URB1: variants seen among roughly 807,000 people sequenced by gnomAD.
URB1 encodes nucleolar pre-ribosomal-associated protein 1.
In URB1, 197 loss-of-function variants were observed where a neutral mutation model predicts 242.3. The ratio of observed to expected loss-of-function variants is 0.81; its 90% CI spans 0.72 to 0.91. URB1 has a LOEUF of 0.91. URB1 is among the 40% of genes least tolerant of loss of function. The pLI, the probability that URB1 is intolerant of heterozygous loss-of-function variation, is 0.00. For synonymous variants in URB1, 1,153 were observed against 1,201.8 expected (o/e 0.96, Z 0.84); for missense variants, 2,721 against 2,860.5 (o/e 0.95, Z 1.11).
intron 30 of URB1, among the ~76,000 whole-genome samples, chr21:32,327,986 G>A (rs189298381): frequency 2.6e-5 from 4 of 152,246 alleles, no homozygotes; most frequent in Admixed American, 6.5e-5. Context: ...AGGCAGAGAT[G>A]GTCAGATTAG....
At chr21:32,341,694 G>C (rs2033031993) in intron 24 of URB1, among the ~76,000 whole-genome samples, 170 bp from the exon 25 acceptor site, 1 of 152,172 alleles carries the variant, frequency 6.6e-6, no homozygotes, top group East Asian at 1.9e-4. Context: ...GTCCCCTTCT[G>C]CTCTGACACT....
intron 11 of URB1, 48 bp from the exon 12 acceptor site, chr21:32,362,069 G>A: frequency 6.5e-7 from 1 of 1,543,438 alleles, no homozygotes; most frequent in Non-Finnish European, 8.7e-7. Context: ...AACCACAAAG[G>A]GAGACAAATG....
In URB1 at chr21:32,354,009, C is replaced by A. The variant is rs372511273; in HGVS notation, c.2340G>T (p.Thr780=). The stretch of plus-strand genomic sequence containing the variant: ...CAGGGACTACCGCACTGAATGGGAA[C>A]GTGAGCAGGATCATGTCTTCACTCA... ...FTLSEDMILL[T]FPFSAVVPAA... The change falls in exon 18 of 39, where the codon ACG becomes ACT. Residue 780 remains threonine (T), a synonymous_variant. Coordinates refer to ENST00000382751, the MANE Select transcript of URB1 (RefSeq NM_014825.3). 10 of 1,551,660 alleles carry A rather than the reference C, an allele frequency of 6.4e-6. No individual in the cohort carries two copies. Among genetic ancestry groups the A allele is most frequent in the Non-Finnish European group, 7.8e-6 (9 of 1,147,024 alleles).
At chr21:32,342,919 G>A (rs1048271443) in intron 24 of URB1, among the ~76,000 whole-genome samples, 11 of 151,976 alleles carry the variant, frequency 7.2e-5, no homozygotes, top group African/African-American at 1.9e-4. Context: ...ATACAACTGC[G>A]TGATACATGA....
intron 38 of URB1, 62 bp from the exon 39 acceptor site, chr21:32,315,161 T>C (rs1326920186): frequency 2.8e-6 from 4 of 1,423,468 alleles, no homozygotes; most frequent in South Asian, 1.6e-5. Context: ...AAACAGGTCA[T>C]CCTGCCCACA....
Position 32,321,921 on chromosome 21 carries a change from C to G in URB1, c.5364G>C (p.Val1788=). Residue 1788 remains valine, a synonymous_variant, in exon 34 of 39, where the codon GTG becomes GTC. Coordinates refer to ENST00000382751, the MANE Select transcript of URB1 (RefSeq NM_014825.3). ...GGATCCCCTGCCGCAGAACGCCAAA[C>G]ACCCACTTCTGCTCTGTTTTTTGCT... ...DFEQKTEQKW[V]FGVLRQGIRD... 1 of 1,551,636 alleles carries G rather than the reference C, an allele frequency of 6.4e-7. No homozygotes were observed. Among genetic ancestry groups the G allele is most frequent in the Non-Finnish European group, 8.7e-7 (1 of 1,146,986 alleles).
At position 32,373,671 on chromosome 21, in the gene URB1, G is replaced by A. The variant is rs1433519788; in HGVS notation, c.852C>T (p.Thr284=). The A allele has an allele frequency of 1.0e-5, 16 of 1,541,936 alleles. No individual in the cohort carries two copies. Among genetic ancestry groups the A allele is most frequent in the Middle Eastern group, 3.3e-4 (2 of 5,998 alleles). ...IASLYNWNGI[T]DVNPENVKVS... is the part of the protein sequence containing the mutation. ...CCTTGACATTTTCTGGGTTCACATC[G>A]GTAATCCCATTCCAGTTGTACAGCG... Residue 284 remains threonine (T), a synonymous_variant, in exon 7 of 39, where the codon ACC becomes ACT. Transcript: ENST00000382751.
Position 32,349,223 on chromosome 21 carries a change from T to C in URB1, c.3012+81A>G, listed in dbSNP as rs1032289961. On this transcript the variant is annotated intron_variant, in intron 21 of 38. Transcript: ENST00000382751. ...TCCCAATTTTCCCACAATGGACCTA[T>C]GTTTGTTTTTAATCAGAAGTGAAGA... is the stretch of plus-strand genomic sequence containing the variant. 9.1e-6 allele frequency: 13 copies of C among 1,421,898 alleles called. No individual in the cohort carries two copies. In the South Asian group the frequency reaches 1.7e-4, roughly 18 times the overall value. 88.1% of individuals were successfully genotyped at this position (1,421,898 alleles called of 1,614,324 possible). A position where few individuals can be genotyped will look rare whatever the true frequency, so the allele number is the denominator to read the frequency against.
chr21:32,323,130 G>A (rs542348098), intron 32 of URB1, among the ~76,000 whole-genome samples: 4 of 152,280 alleles, frequency 2.6e-5, no homozygotes, highest in Admixed American at 6.5e-5. Context: ...GCTCCACCCC[G>A]ACATGAGCAC....
At chr21:32,350,641 G>C in intron 20 of URB1, 63 bp downstream of exon 20, 1 of 1,522,990 alleles carries the variant, frequency 6.6e-7, no homozygotes, top group Non-Finnish European at 8.9e-7. Flanking sequence ...GCCCGACTCA[G>C]AGAAGGCTTA....
In URB1 at chr21:32,347,148, G is replaced by GC. The variant is rs957136214; in HGVS notation, c.3675dup (p.Arg1226AlafsTer87). ...GCGATGCTGAGGGCCGCCTGTGTGCGCCGGGCCAGGCAGTAGTCAAGCAGA... is the reference window on the plus strand; with the variant it reads ...GCGATGCTGAGGGCCGCCTGTGTGCGCCCGGGCCAGGCAGTAGTCAAGCAGA... On this transcript the variant is annotated frameshift_variant, in exon 22 of 39. Transcript: ENST00000382751. LOFTEE classifies it high-confidence loss of function. 1 of 1,548,724 alleles carries GC rather than the reference G, an allele frequency of 6.5e-7. No individual in the cohort carries two copies. Among genetic ancestry groups the GC allele is most frequent in the Admixed American group, 2.0e-5 (1 of 50,968 alleles).
chr21:32,349,751 C>A (rs1462425650), intron 20 of URB1, among the ~76,000 whole-genome samples: 1 of 152,190 alleles, frequency 6.6e-6, no homozygotes, highest in Non-Finnish European at 1.5e-5. Flanking sequence ...TCCCTTGAAC[C>A]ACATCAGGAA....
At chr21:32,330,592 G>A (rs114909834) in intron 30 of URB1, among the ~76,000 whole-genome samples, 44 of 151,768 alleles carry the variant, frequency 2.9e-4, no homozygotes, top group African/African-American at 1.0e-3. Flanking sequence ...AGCTCTATCT[G>A]TTATAATTCA....
intron 6 of URB1, among the ~76,000 whole-genome samples, 172 bp downstream of exon 6, chr21:32,375,226 T>C (rs760298185): frequency 1.1e-4 from 16 of 152,230 alleles, no homozygotes; most frequent in Non-Finnish European, 1.9e-4. Context: ...AGTCCCAGGA[T>C]ATGCTCATCA....
At chr21:32,322,931 A>G (rs1254633266) in intron 32 of URB1, among the ~76,000 whole-genome samples, 2 of 152,184 alleles carry the variant, frequency 1.3e-5, no homozygotes, top group Non-Finnish European at 2.9e-5. Context: ...CAGGGCTGAC[A>G]CCACACCCAC....
chr21:32,347,619 G>A lies in URB1; in HGVS notation c.3205C>T (p.Leu1069=). The change falls in exon 22 of 39, where the codon CTG becomes TTG. Residue 1069 remains leucine (L), a synonymous_variant. Transcript: ENST00000382751. ...SAPILQNIGQ[L]GLLARYSEAI... ...TCTGAGTACCTGGCCAGAAGGCCCA[G>A]CTGCCCAATGTTCTGGAGGATCGGG... The A allele has an allele frequency of 6.4e-7, 1 of 1,551,698 alleles. No individual in the cohort carries two copies.
intron 19 of URB1, 81 bp downstream of exon 19, chr21:32,352,629 G>A: frequency 6.6e-7 from 1 of 1,511,758 alleles, no homozygotes. Flanking sequence ...CTACCCAACT[G>A]CACAGCTGTG....
chr21:32,315,296 TA>T (rs2123535546), intron 38 of URB1, among the ~76,000 whole-genome samples, 197 bp from the exon 39 acceptor site: 1 of 144,400 alleles, frequency 6.9e-6, no homozygotes, highest in South Asian at 2.3e-4. Context: ...TTTTTATTAT[TA>T]AAAAGTTTCT....
intron 10 of URB1, among the ~76,000 whole-genome samples, chr21:32,364,225 C>T (rs1437113823): frequency 1.3e-5 from 2 of 152,084 alleles, no homozygotes; most frequent in East Asian, 3.9e-4. Flanking sequence ...CTACTACCAA[C>T]AGTAGGAAAA....
Sources: gnomAD v4.1 joint callset for allele counts (sites outside exome capture counted in the v4.1 genomes callset) on GRCh38, gnomAD v4.1.1 for gene constraint, MANE v1.5 for transcripts, NCBI Gene and HGNC (gene_info 2026-07-23, HGNC 2026-07-21) for gene names.